SPSB4: variants seen among roughly 807,000 people sequenced by gnomAD.
SPSB4 encodes the protein splA/ryanodine receptor domain and SOCS box containing 4.
Under a neutral mutation model 20.9 loss-of-function variants are expected in SPSB4, and 21 were observed. That is an observed-to-expected ratio of 1.01 (90% CI 0.71 to 1.45). The LOEUF (loss-of-function observed/expected upper bound fraction) is 1.45. Among genes scored for constraint, SPSB4 ranks in the 40% most tolerant of loss-of-function variants. The pLI, the probability that SPSB4 is intolerant of heterozygous loss-of-function variation, is 0.00. For missense variants in SPSB4, 399 were observed against 399.2 expected (o/e 1.00, Z 0.00); for synonymous variants, 207 against 183.8 (o/e 1.13, Z -1.02).
At chr3:141,065,863 G>A (rs1427602079) in intron 1 of SPSB4, 89 bp from the exon 2 acceptor site, 1 of 493,228 alleles carries the variant, frequency 2.0e-6, no homozygotes, top group East Asian at 3.6e-5. Flanking sequence ...GCATGCAAAG[G>A]GCTCAGCCAA....
chr3:141,055,742 C>T (rs1210695427), intron 1 of SPSB4, among the ~76,000 whole-genome samples: 1 of 152,194 alleles, frequency 6.6e-6, no homozygotes, highest in Non-Finnish European at 1.5e-5. Flanking sequence ...AGAGGCCAGG[C>T]TCAGCCTAGG....
chr3:141,112,926 T>C (rs1405041233), intron 2 of SPSB4, among the ~76,000 whole-genome samples: 1 of 152,158 alleles, frequency 6.6e-6, no homozygotes, highest in Non-Finnish European at 1.5e-5. Context: ...TTTAGGTAGC[T>C]AGGACAATGG....
At chr3:141,119,228 A>G (rs1938925895) in intron 2 of SPSB4, among the ~76,000 whole-genome samples, 1 of 152,074 alleles carries the variant, frequency 6.6e-6, no homozygotes, top group African/African-American at 2.4e-5. Context: ...TTGGATTCCT[A>G]GGTATTTTAT....
intron 2 of SPSB4, among the ~76,000 whole-genome samples, chr3:141,072,702 C>T (rs772612139): frequency 6.6e-6 from 1 of 152,184 alleles, no homozygotes; most frequent in Non-Finnish European, 1.5e-5. Context: ...TTTATAGCGA[C>T]ACAAAACAGA....
At chr3:141,082,656 T>TATCTA (rs1239031038) in intron 2 of SPSB4, among the ~76,000 whole-genome samples, 4 of 152,030 alleles carry the variant, frequency 2.6e-5, no homozygotes, top group African/African-American at 7.3e-5. Flanking sequence ...TCTATCTATC[T>TATCTA]ATCTATCTTT....
intron 2 of SPSB4, among the ~76,000 whole-genome samples, chr3:141,095,816 A>C (rs550672149): frequency 4.6e-5 from 7 of 152,258 alleles, no homozygotes; most frequent in South Asian, 4.1e-4. Context: ...AGATTATTGG[A>C]GATCTTGGAT....
At chr3:141,080,644 T>G (rs1274762953) in intron 2 of SPSB4, among the ~76,000 whole-genome samples, 1 of 152,228 alleles carries the variant, frequency 6.6e-6, no homozygotes, top group African/African-American at 2.4e-5. Flanking sequence ...TTTTGTCACC[T>G]GGGGTGGTGG....
chr3:141,109,921 T>C (rs972402669), intron 2 of SPSB4, among the ~76,000 whole-genome samples: 5 of 152,136 alleles, frequency 3.3e-5, no homozygotes, highest in African/African-American at 1.2e-4. Flanking sequence ...GCTAAATGGG[T>C]CTTAACTCAC....
At chr3:141,095,990 C>G (rs1369948598) in intron 2 of SPSB4, among the ~76,000 whole-genome samples, 1 of 152,048 alleles carries the variant, frequency 6.6e-6, no homozygotes, top group Non-Finnish European at 1.5e-5. Context: ...TGGGGGACAA[C>G]AGAGCCAGAT....
chr3:141,125,575 G>C (rs1011103287), intron 2 of SPSB4, among the ~76,000 whole-genome samples: 4 of 152,242 alleles, frequency 2.6e-5, no homozygotes, highest in African/African-American at 9.6e-5. Flanking sequence ...CCAGGGGTCA[G>C]TCTCATTCTG....
At chr3:141,124,424 C>T (rs1193241432) in intron 2 of SPSB4, among the ~76,000 whole-genome samples, 1 of 152,190 alleles carries the variant, frequency 6.6e-6, no homozygotes, top group Non-Finnish European at 1.5e-5. Flanking sequence ...TCTCATAAAA[C>T]TCTCAGGTTT....
chr3:141,112,911 G>A (rs891878709), intron 2 of SPSB4, among the ~76,000 whole-genome samples: 77 of 152,250 alleles, frequency 5.1e-4, no homozygotes, highest in Non-Finnish European at 9.7e-4. Context: ...GGCCTCTGAG[G>A]CCCCTTTAGG....
intron 2 of SPSB4, among the ~76,000 whole-genome samples, chr3:141,144,212 G>C (rs1939377338): frequency 6.6e-6 from 1 of 152,208 alleles, no homozygotes; most frequent in South Asian, 2.1e-4. Context: ...CATCATTTTA[G>C]TCTTCCTTGT....
At chr3:141,079,619 C>T (rs554646069) in intron 2 of SPSB4, among the ~76,000 whole-genome samples, 7 of 152,270 alleles carry the variant, frequency 4.6e-5, no homozygotes, top group South Asian at 2.1e-4. Context: ...GACCCTTAGC[C>T]GGAAGCTGGG....
chr3:141,065,162 G>A (rs1169184394), intron 1 of SPSB4, among the ~76,000 whole-genome samples: 2 of 152,190 alleles, frequency 1.3e-5, no homozygotes, highest in African/African-American at 4.8e-5. Flanking sequence ...AGTAGGAGAT[G>A]GAGAGAGGGA....
chr3:141,091,061 G>T (rs76917777), intron 2 of SPSB4, among the ~76,000 whole-genome samples: 5 of 152,262 alleles, frequency 3.3e-5, no homozygotes, highest in African/African-American at 1.2e-4. Flanking sequence ...GGGCAAGACT[G>T]TGGGTTGGGG....
intron 2 of SPSB4, among the ~76,000 whole-genome samples, chr3:141,129,152 C>A (rs1352176131): frequency 6.6e-6 from 1 of 152,142 alleles, no homozygotes; most frequent in Non-Finnish European, 1.5e-5. Context: ...AAGGCCAGAC[C>A]CTTGAGTTCT....
chr3:141,101,601 T>C (rs1220597548), intron 2 of SPSB4, among the ~76,000 whole-genome samples: 1 of 152,130 alleles, frequency 6.6e-6, no homozygotes, highest in Non-Finnish European at 1.5e-5. Flanking sequence ...CTCCTAAGGA[T>C]TAAATAATAG....
At chr3:141,061,423 C>A (rs926952707) in intron 1 of SPSB4, among the ~76,000 whole-genome samples, 21 of 151,864 alleles carry the variant, frequency 1.4e-4, no homozygotes, top group Admixed American at 1.2e-3. Flanking sequence ...TTAACCTTTT[C>A]TAATTAATGA....
Sources: allele counts gnomAD v4.1 joint callset (sites outside exome capture counted in the v4.1 genomes callset), GRCh38; gene constraint gnomAD v4.1.1; transcripts MANE v1.5; gene names NCBI Gene and HGNC (gene_info 2026-07-23, HGNC 2026-07-21).